The following CDK17 variants were observed in gnomAD, a reference collection of about 807,000 sequenced individuals.
CDK17 encodes the protein cyclin-dependent kinase 17.
In CDK17, 24 loss-of-function variants were observed where a neutral mutation model predicts 77.6. The observed-to-expected ratio is 0.31, with a 90% CI of 0.22 to 0.44. The LOEUF is 0.44. Ranked by LOEUF, CDK17 falls within the 20% of genes least tolerant of loss-of-function variation. CDK17 has a pLI of 1.00. For missense variants in CDK17, 429 were observed against 622.5 expected (o/e 0.69, Z 3.31); for synonymous variants, 203 against 210.4 (o/e 0.96, Z 0.30).
intron 11 of CDK17, among the ~76,000 whole-genome samples, chr12:96,288,181 ATT>A (rs1458827097): frequency 6.6e-6 from 1 of 152,176 alleles, no homozygotes; most frequent in Non-Finnish European, 1.5e-5. Flanking sequence ...AAAATGATAA[ATT>A]TTATGAGTAT....
chr12:96,282,791 A>T (rs1952193871), intron 14 of CDK17, among the ~76,000 whole-genome samples, 192 bp from the exon 15 acceptor site: 1 of 152,248 alleles, frequency 6.6e-6, no homozygotes, highest in Non-Finnish European at 1.5e-5. Flanking sequence ...TTGTGTAATA[A>T]CATCTCAGTT....
In CDK17 at chr12:96,371,994, TGTGA is replaced by T. The variant is rs1238774211; in HGVS notation, c.-30+27988_-30+27991del. On this transcript the variant is annotated intron_variant, in intron 1 of 16. Transcript: ENST00000261211. ...GGGGGACGGAGAGAGAGAGACAGTG[TGTGA>T]GTGAGTGTGTGTTTGTGTGTGTGTG... Among the ~76,000 whole-genome samples the T allele has an allele frequency of 2.0e-4, 13 of 63,472 alleles. No individual in the cohort carries two copies. In the East Asian group the frequency reaches 5.0e-3, roughly 24 times the overall value. 41.6% of individuals were successfully genotyped at this position (63,472 alleles called of 152,430 possible).
intron 1 of CDK17, among the ~76,000 whole-genome samples, chr12:96,377,879 G>C (rs1037360818): frequency 2.4e-4 from 37 of 152,176 alleles, no homozygotes; most frequent in African/African-American, 8.9e-4. Flanking sequence ...ATTTTTAGTA[G>C]AGACAGGGTT....
intron 1 of CDK17, among the ~76,000 whole-genome samples, chr12:96,361,993 A>C (rs1318212931): frequency 6.6e-6 from 1 of 152,174 alleles, no homozygotes; most frequent in Non-Finnish European, 1.5e-5. Flanking sequence ...TTATTGCCTG[A>C]GATGTACTTA....
intron 1 of CDK17, among the ~76,000 whole-genome samples, chr12:96,385,361 G>A (rs564148280): frequency 1.3e-4 from 20 of 152,140 alleles, no homozygotes; most frequent in African/African-American, 4.3e-4. Flanking sequence ...ATGACTAGAA[G>A]GGGTTGGCAA....
intron 3 of CDK17, 50 bp from the exon 4 acceptor site, chr12:96,313,504 T>C: frequency 9.5e-7 from 1 of 1,052,406 alleles, no homozygotes; most frequent in Non-Finnish European, 1.3e-6. Flanking sequence ...TTCTAATATA[T>C]AATTTATTAT....
At chr12:96,391,264 C>A (rs889001587) in intron 1 of CDK17, among the ~76,000 whole-genome samples, 2 of 148,598 alleles carry the variant, frequency 1.3e-5, no homozygotes, top group African/African-American at 5.0e-5. Context: ...GATTTTGGGG[C>A]GGGGGGTTGT....
At chr12:96,345,758 C>A (rs966241982) in intron 1 of CDK17, among the ~76,000 whole-genome samples, 6 of 151,326 alleles carry the variant, frequency 4.0e-5, no homozygotes, top group Admixed American at 3.3e-4. Context: ...CTCAAGGTAA[C>A]CACTAAAAAA....
At chr12:96,352,385 A>G (rs1953325040) in intron 1 of CDK17, among the ~76,000 whole-genome samples, 1 of 151,704 alleles carries the variant, frequency 6.6e-6, no homozygotes, top group African/African-American at 2.4e-5. Flanking sequence ...GTGGGGCTAG[A>G]GAGAGAGAAA....
intron 1 of CDK17, chr12:96,335,069 A>T (rs942403968): frequency 1.6e-6 from 1 of 622,040 alleles, no homozygotes; most frequent in East Asian, 3.3e-5. Flanking sequence ...TCATCAGAAG[A>T]GCAGGAATTC....
chr12:96,314,659 T>C (rs1039307547), intron 3 of CDK17, among the ~76,000 whole-genome samples: 1 of 152,172 alleles, frequency 6.6e-6, no homozygotes, highest in Non-Finnish European at 1.5e-5. Flanking sequence ...CATTATCTAA[T>C]AACCCAGCAA....
chr12:96,369,300 GTC>G (rs1953652464), intron 1 of CDK17, among the ~76,000 whole-genome samples: 1 of 152,132 alleles, frequency 6.6e-6, no homozygotes, highest in African/African-American at 2.4e-5. Flanking sequence ...AACCAACACA[GTC>G]TCTACCATTT....
At chr12:96,283,549 G>GA in intron 14 of CDK17, 54 bp downstream of exon 14, 3 of 1,064,184 alleles carry the variant, frequency 2.8e-6, no homozygotes, top group Non-Finnish European at 2.9e-6. Context: ...TTCTACACAT[G>GA]AAGAAGCTGA....
At chr12:96,290,280 G>A (rs1452707138) in intron 10 of CDK17, among the ~76,000 whole-genome samples, 6 of 152,132 alleles carry the variant, frequency 3.9e-5, no homozygotes, top group East Asian at 1.9e-4. Context: ...CTATTACCTC[G>A]AAGCCTCTAA....
chr12:96,303,838 A>G (rs995123785), intron 5 of CDK17, among the ~76,000 whole-genome samples: 13 of 152,180 alleles, frequency 8.5e-5, no homozygotes, highest in Admixed American at 8.5e-4. Context: ...CTGAGCTTCA[A>G]AACAAATGAA....
chr12:96,348,745 A>G (rs1464615535), intron 1 of CDK17, among the ~76,000 whole-genome samples: 4 of 152,150 alleles, frequency 2.6e-5, no homozygotes, highest in African/African-American at 9.7e-5. Context: ...TCTTACAAAC[A>G]CACAAACCAG....
intron 1 of CDK17, among the ~76,000 whole-genome samples, chr12:96,377,935 C>A (rs1334448052): frequency 6.6e-6 from 1 of 152,144 alleles, no homozygotes; most frequent in Non-Finnish European, 1.5e-5. Context: ...CCTCGTGATC[C>A]GCCCACCTTG....
rs192069167 is a variant in CDK17, at chr12:96,330,505, C to A, written c.118+4214G>T. ...ATATTGCTAAAGGAGATCCCATACA[C>A]AATAACCAGTCACTCCTCAGTCTTT... On this transcript the variant is annotated intron_variant, in intron 2 of 16. Coordinates refer to ENST00000261211, the MANE Select transcript of CDK17 (RefSeq NM_002595.5). Among the ~76,000 whole-genome samples the A allele has an allele frequency of 2.9e-3, 443 of 152,306 alleles. 3 individuals are homozygous for A. Among genetic ancestry groups the A allele is most frequent in the African/African-American group, 9.9e-3 (411 of 41,578 alleles).
chr12:96,380,368 G>A (rs577047069), intron 1 of CDK17, among the ~76,000 whole-genome samples: 8 of 146,870 alleles, frequency 5.4e-5, no homozygotes, highest in African/African-American at 1.0e-4. Context: ...TGCAACCTCC[G>A]CCTCCTGGGT....
Sources: gnomAD v4.1 joint callset for allele counts (sites outside exome capture counted in the v4.1 genomes callset) on GRCh38, gnomAD v4.1.1 for gene constraint, MANE v1.5 for transcripts, NCBI Gene and HGNC (gene_info 2026-07-23, HGNC 2026-07-21) for gene names.